Variants in IL26 observed in about 807,000 individuals in gnomAD.
IL26 encodes interleukin 26.
A neutral mutation model predicts 21.7 loss-of-function variants in IL26; 23 were observed. The observed-to-expected ratio is 1.06, with a 90% CI of 0.76 to 1.50. IL26 has a LOEUF of 1.50. Ranked by LOEUF, IL26 falls within the 40% of genes most tolerant of loss-of-function variation. The pLI is 0.00. For synonymous variants in IL26, 63 were observed against 67.8 expected (o/e 0.93, Z 0.34); for missense variants, 204 against 196.0 (o/e 1.04, Z -0.24).
chr12:68,210,386 A>C (rs1176552251), intron 3 of IL26, among the ~76,000 whole-genome samples: 1 of 116,192 alleles, frequency 8.6e-6, no homozygotes, highest in Non-Finnish European at 1.8e-5. Flanking sequence ...AAAAAAAAAC[A>C]GCACAAGCAC....
Position 68,225,676 on chromosome 12 carries a change from G to T in IL26, c.81C>A (p.Ser27=), listed in dbSNP as rs143085237. The change falls in exon 1 of 5, where the codon TCC becomes TCA. Residue 27 remains serine (S), a synonymous_variant. Transcript: ENST00000229134. ...CCCTTGGGTAACAACTTTTGGTGAAGGAAGATTGCTTGTGCTTGGCAATGG... is the reference window on the plus strand; with the variant it reads ...CCCTTGGGTAACAACTTTTGGTGAATGAAGATTGCTTGTGCTTGGCAATGG... ...SLAIAKHKQS[S]FTKSCYPRGT... 465 of 1,614,060 alleles carry T rather than the reference G, an allele frequency of 2.9e-4. 1 individual carries two copies. In the Middle Eastern group the frequency reaches 5.1e-3, roughly 18 times the overall value.
At chr12:68,225,123 G>A in intron 3 of IL26, 26 bp downstream of exon 3, 1 of 1,576,880 alleles carries the variant, frequency 6.3e-7, no homozygotes, top group Non-Finnish European at 8.6e-7. Context: ...AGGATCAAAT[G>A]CACAGTATTT....
At chr12:68,208,693 G>T (rs1868616109) in intron 3 of IL26, among the ~76,000 whole-genome samples, 1 of 151,860 alleles carries the variant, frequency 6.6e-6, no homozygotes, top group Non-Finnish European at 1.5e-5. Flanking sequence ...CAAAGATAGG[G>T]TTTCACCATG....
chr12:68,208,626 C>A (rs1868614443), intron 3 of IL26, among the ~76,000 whole-genome samples: 1 of 152,102 alleles, frequency 6.6e-6, no homozygotes, highest in Non-Finnish European at 1.5e-5. Context: ...CCTCAGCCTC[C>A]CAAGTAGCTG....
intron 3 of IL26, among the ~76,000 whole-genome samples, chr12:68,216,658 G>A (rs11571017): frequency 0.015 from 2,274 of 152,302 alleles, 48 homozygotes; most frequent in African/African-American, 0.052. Context: ...AGGGATGAAT[G>A]AATGGTATTA....
At chr12:68,209,559 C>A (rs936434424) in intron 3 of IL26, among the ~76,000 whole-genome samples, 1 of 152,142 alleles carries the variant, frequency 6.6e-6, no homozygotes, top group Admixed American at 6.5e-5. Context: ...CTAGCCCCTA[C>A]GGGTTTTATG....
chr12:68,212,433 G>C (rs947164041), intron 3 of IL26, among the ~76,000 whole-genome samples: 1 of 151,962 alleles, frequency 6.6e-6, no homozygotes, highest in African/African-American at 2.4e-5. Context: ...AAGAATGCTA[G>C]AAGTATCTTG....
chr12:68,224,630 AAAG>A (rs1268390070), intron 3 of IL26, among the ~76,000 whole-genome samples: 1 of 149,662 alleles, frequency 6.7e-6, no homozygotes, highest in East Asian at 2.0e-4. Flanking sequence ...AAAAGGAAGT[AAAG>A]AAAGAAGGAA....
chr12:68,211,830 T>C (rs1868739809), intron 3 of IL26, among the ~76,000 whole-genome samples: 1 of 152,188 alleles, frequency 6.6e-6, no homozygotes, highest in South Asian at 2.1e-4. Flanking sequence ...GTAGGTTGCC[T>C]TCTTACTTTG....
At chr12:68,220,815 T>G (rs1869024740) in intron 3 of IL26, among the ~76,000 whole-genome samples, 1 of 152,186 alleles carries the variant, frequency 6.6e-6, no homozygotes, top group African/African-American at 2.4e-5. Context: ...TTTTGTATTT[T>G]TTCTTGAGAT....
In IL26 at chr12:68,201,843, GT is replaced by G; in HGVS notation, c.*1del. On this transcript the variant is annotated 3_prime_UTR_variant, in exon 5 of 5. Transcript: ENST00000229134. ...TGTAAAATCAATGTACTTGGCTTTG[GT>G]TTACTGACTGCTTTCCAATAATTTT... The G allele has an allele frequency of 6.3e-7, 1 of 1,579,034 alleles. No homozygotes were observed. The highest frequency in any genetic ancestry group is 1.4e-5 in the African/African-American group (1 of 73,108).
At chr12:68,212,445 T>A (rs937244865) in intron 3 of IL26, among the ~76,000 whole-genome samples, 1 of 152,144 alleles carries the variant, frequency 6.6e-6, no homozygotes, top group African/African-American at 2.4e-5. Context: ...AGTATCTTGA[T>A]AGAAATTGCA....
At chr12:68,213,686 G>A (rs956822939) in intron 3 of IL26, among the ~76,000 whole-genome samples, 4 of 151,812 alleles carry the variant, frequency 2.6e-5, no homozygotes, top group East Asian at 1.9e-4. Context: ...CTGTAATTCT[G>A]TAATAGTTAT....
chr12:68,215,025 T>C (rs1293636350), intron 3 of IL26, among the ~76,000 whole-genome samples: 1 of 152,162 alleles, frequency 6.6e-6, no homozygotes, highest in African/African-American at 2.4e-5. Flanking sequence ...TGCTTTGTGG[T>C]TACCACGAGG....
chr12:68,221,363 G>A (rs939928394), intron 3 of IL26, among the ~76,000 whole-genome samples: 15 of 152,142 alleles, frequency 9.9e-5, no homozygotes, highest in African/African-American at 2.4e-4. Flanking sequence ...GCCATTTGAC[G>A]AATATCCATC....
At chr12:68,220,571 C>G (rs1592900908) in intron 3 of IL26, among the ~76,000 whole-genome samples, 1 of 152,054 alleles carries the variant, frequency 6.6e-6, no homozygotes, top group Non-Finnish European at 1.5e-5. Context: ...AATATGACAC[C>G]AAAACATGGT....
intron 3 of IL26, among the ~76,000 whole-genome samples, chr12:68,214,897 TA>T (rs1235118213): frequency 7.5e-4 from 110 of 147,196 alleles, no homozygotes; most frequent in African/African-American, 2.2e-3. Flanking sequence ...TTTTTTTTTT[TA>T]TTTCATTTTG....
intron 3 of IL26, among the ~76,000 whole-genome samples, chr12:68,207,144 G>A (rs889143438): frequency 1.3e-5 from 2 of 152,160 alleles, no homozygotes; most frequent in East Asian, 1.9e-4. Context: ...ACACCTGCTG[G>A]TGTAGCTGTA....
chr12:68,203,113 G>A (rs774159943), intron 3 of IL26, among the ~76,000 whole-genome samples: 1 of 152,144 alleles, frequency 6.6e-6, no homozygotes, highest in Non-Finnish European at 1.5e-5. Context: ...TATTACTTTC[G>A]AAATTAGGAG....
Sources: allele counts gnomAD v4.1 joint callset (sites outside exome capture counted in the v4.1 genomes callset), GRCh38; gene constraint gnomAD v4.1.1; transcripts MANE v1.5; gene names NCBI Gene and HGNC (gene_info 2026-07-23, HGNC 2026-07-21).